The following KDM4C variants were observed in gnomAD, a reference collection of about 807,000 sequenced individuals.
KDM4C encodes lysine demethylase 4C, also known as lysine-specific demethylase 4C.
A neutral mutation model predicts 129.3 loss-of-function variants in KDM4C; 81 were observed. That is an observed-to-expected ratio of 0.63 (90% CI 0.52 to 0.75). The LOEUF is 0.75. Among genes scored for constraint, KDM4C ranks in the 30% least tolerant of loss-of-function variants. The probability of loss-of-function intolerance (pLI) is 0.00; values close to 1 mark genes in which losing one functional copy is unlikely to be tolerated. For synonymous variants in KDM4C, 573 were observed against 456.1 expected (o/e 1.26, Z -3.26); for missense variants, 1,457 against 1,304.0 (o/e 1.12, Z -1.81).
rs1821807902 is a variant in KDM4C, at chr9:6,771,375, G to A, written c.-18+13172G>A. On this transcript the variant is annotated intron_variant, in intron 1 of 21. Coordinates refer to ENST00000381309, the MANE Select transcript of KDM4C (RefSeq NM_015061.6). ...CGCCCAGGCTGGAGTGCAATGTTAC[G>A]ATCTCAGCCCATTGTAATCTCCACC... Among the ~76,000 whole-genome samples the A allele has an allele frequency of 1.3e-5, 2 of 151,644 alleles. 1 individual carries two copies. The highest frequency in any genetic ancestry group is 1.3e-4 in the Admixed American group (2 of 15,224).
At chr9:6,914,092 G>A (rs1033972535) in intron 8 of KDM4C, among the ~76,000 whole-genome samples, 2 of 152,050 alleles carry the variant, frequency 1.3e-5, no homozygotes, top group African/African-American at 2.4e-5. Flanking sequence ...GGAGTTTTGC[G>A]CTTATTGTCC....
intron 8 of KDM4C, among the ~76,000 whole-genome samples, chr9:6,913,546 G>T (rs1003536462): frequency 6.6e-6 from 1 of 152,204 alleles, no homozygotes; most frequent in Non-Finnish European, 1.5e-5. Flanking sequence ...GCAAAGGGCT[G>T]TTACCTATAC....
chr9:6,811,706 C>T (rs1831180819), intron 3 of KDM4C, among the ~76,000 whole-genome samples: 1 of 152,106 alleles, frequency 6.6e-6, no homozygotes, highest in Non-Finnish European at 1.5e-5. Flanking sequence ...TGTTTTTATC[C>T]CTATTTTTTA....
At chr9:6,931,539 C>T (rs1057262878) in intron 8 of KDM4C, among the ~76,000 whole-genome samples, 1 of 151,514 alleles carries the variant, frequency 6.6e-6, no homozygotes, top group Admixed American at 6.6e-5. Context: ...CTTGTTCTTT[C>T]ACCCAGGCTG....
chr9:6,886,403 C>G (rs139361693), intron 6 of KDM4C, among the ~76,000 whole-genome samples: 278 of 151,372 alleles, frequency 1.8e-3, no homozygotes, highest in African/African-American at 6.4e-3. Flanking sequence ...ACCCTTGCCT[C>G]CTGGGTTCAA....
intron 11 of KDM4C, among the ~76,000 whole-genome samples, chr9:6,988,472 AC>A (rs1484309398): frequency 6.6e-6 from 1 of 151,038 alleles, no homozygotes; most frequent in Non-Finnish European, 1.5e-5. Context: ...GCCTGTAAGA[AC>A]AACTGCATGA....
chr9:7,076,139 G>T (rs961087163), intron 17 of KDM4C, among the ~76,000 whole-genome samples: 1 of 151,986 alleles, frequency 6.6e-6, no homozygotes, highest in Non-Finnish European at 1.5e-5. Flanking sequence ...GCCAGGCCCA[G>T]TTCTGGCCAT....
chr9:6,907,630 C>G (rs560072072), intron 8 of KDM4C, among the ~76,000 whole-genome samples: 7 of 152,212 alleles, frequency 4.6e-5, no homozygotes, highest in African/African-American at 1.7e-4. Context: ...AAGCATTACT[C>G]TATAATTAAT....
At chr9:6,766,925 C>T (rs930410242) in intron 1 of KDM4C, among the ~76,000 whole-genome samples, 3 of 152,096 alleles carry the variant, frequency 2.0e-5, no homozygotes, top group Non-Finnish European at 4.4e-5. Context: ...TCCATCTTTG[C>T]ATTTGTTTTT....
chr9:7,018,476 A>G (rs533573088), intron 15 of KDM4C, among the ~76,000 whole-genome samples: 5 of 150,044 alleles, frequency 3.3e-5, no homozygotes, highest in East Asian at 2.0e-4. Flanking sequence ...TATTTATTAT[A>G]TAGGTCCTAT....
Position 6,900,507 on chromosome 9 carries a change from C to A in KDM4C, c.921+7275C>A, listed in dbSNP as rs181591112. 8.9e-4 allele frequency among the ~76,000 whole-genome samples: 136 copies of A among 152,264 alleles called. No homozygotes were observed. In the Middle Eastern group the frequency reaches 0.01, roughly 11 times the overall value. On this transcript the variant is annotated intron_variant, in intron 8 of 21. Coordinates refer to ENST00000381309, the MANE Select transcript of KDM4C (RefSeq NM_015061.6). ...GTGGAGCCAGGGGCATGGTGGCATA[C>A]GCCTGTCATCCCAGCACTTTGGGAG...
Position 7,071,437 on chromosome 9 carries a change from G to T in KDM4C, c.2424+22237G>T, listed in dbSNP as rs116060199. 3.1e-3 allele frequency among the ~76,000 whole-genome samples: 467 copies of T among 152,238 alleles called. 1 individual carries two copies. The highest frequency in any genetic ancestry group is 0.011 in the African/African-American group (439 of 41,564). On this transcript the variant is annotated intron_variant, in intron 17 of 21. Transcript: ENST00000381309. The stretch of plus-strand genomic sequence containing the variant: ...AGCAAGTTAATGTGGTGAAGGGATA[G>T]ACATATGTAACAATAGAAAAGAATA...
At chr9:7,029,508 A>G (rs1826370251) in intron 15 of KDM4C, among the ~76,000 whole-genome samples, 1 of 151,990 alleles carries the variant, frequency 6.6e-6, no homozygotes, top group Non-Finnish European at 1.5e-5. Context: ...GTAATTGCTA[A>G]TAAGTAATAG....
At chr9:6,816,341 C>A (rs1008601905) in intron 4 of KDM4C, among the ~76,000 whole-genome samples, 12 of 152,190 alleles carry the variant, frequency 7.9e-5, no homozygotes, top group Non-Finnish European at 1.6e-4. Context: ...CCATTTCTGA[C>A]ACTGAGGAAA....
chr9:6,904,505 C>T (rs1312379630), intron 8 of KDM4C, among the ~76,000 whole-genome samples: 1 of 151,180 alleles, frequency 6.6e-6, no homozygotes, highest in Non-Finnish European at 1.5e-5. Flanking sequence ...AAAATGAACA[C>T]CTTAGCTCAT....
At chr9:6,988,192 A>T (rs999838436) in intron 11 of KDM4C, among the ~76,000 whole-genome samples, 1 of 149,588 alleles carries the variant, frequency 6.7e-6, no homozygotes, top group Non-Finnish European at 1.5e-5. Flanking sequence ...AAAGGAAAAA[A>T]AATTTGCAAC....
At chr9:6,804,491 G>A (rs1829601731) in intron 2 of KDM4C, among the ~76,000 whole-genome samples, 2 of 152,208 alleles carry the variant, frequency 1.3e-5, no homozygotes, top group Non-Finnish European at 2.9e-5. Context: ...CGGGCGTGGT[G>A]GCTCACGCCT....
At chr9:6,749,629 C>T (rs889533987) in intron 1 of KDM4C, among the ~76,000 whole-genome samples, 2 of 151,894 alleles carry the variant, frequency 1.3e-5, no homozygotes, top group African/African-American at 4.8e-5. Context: ...GATTGCACCA[C>T]TGCATTTCAG....
intron 8 of KDM4C, among the ~76,000 whole-genome samples, chr9:6,912,460 G>T (rs1468495071): frequency 6.6e-6 from 1 of 152,202 alleles, no homozygotes; most frequent in Non-Finnish European, 1.5e-5. Flanking sequence ...GAAGCTCATA[G>T]TCCTGGCATT....
Sources: gnomAD v4.1 joint callset for allele counts (sites outside exome capture counted in the v4.1 genomes callset) on GRCh38, gnomAD v4.1.1 for gene constraint, MANE v1.5 for transcripts, NCBI Gene and HGNC (gene_info 2026-07-23, HGNC 2026-07-21) for gene names.